EPB41L4B: variants seen among roughly 807,000 people sequenced by gnomAD.
EPB41L4B encodes the protein erythrocyte membrane protein band 4.1 like 4B, also known as band 4.1-like protein 4B.
Under a neutral mutation model 112.5 loss-of-function variants are expected in EPB41L4B, and 30 were observed. The ratio of observed to expected loss-of-function variants is 0.27; its 90% confidence interval spans 0.20 to 0.36. EPB41L4B has a LOEUF of 0.36. Among genes scored for constraint, EPB41L4B ranks in the 10% least tolerant of loss-of-function variants. EPB41L4B has a pLI of 1.00. For missense variants in EPB41L4B, 1,024 were observed against 1,133.3 expected (o/e 0.90, Z 1.38); for synonymous variants, 408 against 439.7 (o/e 0.93, Z 0.90).
chr9:109,314,300 C>G (rs770737991), intron 1 of EPB41L4B, among the ~76,000 whole-genome samples: 32 of 152,334 alleles, frequency 2.1e-4, no homozygotes, highest in Non-Finnish European at 2.8e-4. Flanking sequence ...AGTCCCCACG[C>G]AAGAATTTAA....
intron 17 of EPB41L4B, among the ~76,000 whole-genome samples, chr9:109,209,206 T>A (rs151032963): frequency 7.4e-4 from 113 of 152,156 alleles, no homozygotes; most frequent in African/African-American, 2.7e-3. Context: ...CCAGCTAATA[T>A]CGTTTAATAA....
intron 4 of EPB41L4B, 103 bp from the exon 5 acceptor site, chr9:109,265,127 T>C (rs1381370395): frequency 3.3e-6 from 3 of 918,714 alleles, no homozygotes; most frequent in Non-Finnish European, 4.9e-6. Context: ...GCATGGAGTT[T>C]TGCATTGTAA....
chr9:109,316,728 AT>A (rs1425966501), intron 1 of EPB41L4B, among the ~76,000 whole-genome samples: 1 of 152,188 alleles, frequency 6.6e-6, no homozygotes, highest in African/African-American at 2.4e-5. Context: ...CATGTTATAG[AT>A]TTTTTTAAAA....
chr9:109,309,755 C>CAGAGAGAGAGAGAGAGAG (rs34950010), intron 1 of EPB41L4B, among the ~76,000 whole-genome samples: 26 of 142,228 alleles, frequency 1.8e-4, no homozygotes, highest in African/African-American at 6.1e-4. Context: ...AATACACACA[C>CAGAGAGAGAGAGAGAGAG]AGAGAGAGAG....
rs1833317129 is a variant in EPB41L4B at position 109,215,182 on chromosome 9, C to T, written c.1634-1364G>A. Reference sequence around the variant, plus strand: ...TCCTTGGTCATCATCTCAATACCCTCTACCCTATTTCATGGATGAGAAAAT... The same window carrying T: ...TCCTTGGTCATCATCTCAATACCCTTTACCCTATTTCATGGATGAGAAAAT... On this transcript the variant is annotated intron_variant, in intron 16 of 25. Coordinates refer to ENST00000374566, the MANE Select transcript of EPB41L4B (RefSeq NM_019114.5). 3.3e-5 allele frequency among the ~76,000 whole-genome samples: 5 copies of T among 152,236 alleles called. No individual in the cohort carries two copies. In the South Asian group the frequency reaches 1.0e-3, roughly 32 times the overall value.
At chr9:109,309,627 C>G (rs749504771) in intron 1 of EPB41L4B, among the ~76,000 whole-genome samples, 1 of 152,178 alleles carries the variant, frequency 6.6e-6, no homozygotes, top group Non-Finnish European at 1.5e-5. Flanking sequence ...TGGCCAGATG[C>G]AGCAGCTCAT....
rs777552348 is a variant in EPB41L4B, at chr9:109,253,449, G to A, written c.1271C>T (p.Thr424Met). Reference protein sequence around the residue: ...SKRYPSRRHSTFKASNPVIAA... With the variant: ...SKRYPSRRHSMFKASNPVIAA... ...AATGAAAAACACACAACCTTTGAACGTTGAATGTCTCCGGGATGGATAACG... is the reference window on the plus strand; with the variant it reads ...AATGAAAAACACACAACCTTTGAACATTGAATGTCTCCGGGATGGATAACG... The change falls in exon 12 of 26, where the codon ACG (threonine) becomes ATG (methionine). Residue 424 changes from threonine to methionine, a missense_variant. Transcript: ENST00000374566. The A allele has an allele frequency of 3.7e-6, 6 of 1,609,280 alleles. No individual in the cohort carries two copies. The African/African-American group carries it at 4.0e-5, about 11-fold the overall frequency.
rs550688455 is a variant in EPB41L4B, at chr9:109,218,192, C to A, written c.1410-1047G>T. On this transcript the variant is annotated intron_variant, in intron 15 of 25. Coordinates refer to ENST00000374566, the MANE Select transcript of EPB41L4B (RefSeq NM_019114.5). ...CCAGGTTGGAATACAGTGGCACTATCTCAGCTCACTGCAACCTCCACCTCC... is the reference window on the plus strand; with the variant it reads ...CCAGGTTGGAATACAGTGGCACTATATCAGCTCACTGCAACCTCCACCTCC... Among the ~76,000 whole-genome samples, 3 of 132,206 alleles carry A rather than the reference C, an allele frequency of 2.3e-5. No individual in the cohort carries two copies. In the South Asian group the frequency reaches 7.2e-4, roughly 32 times the overall value. The allele number at this position is 132,206 out of a possible 152,430, so 86.7% of individuals were successfully genotyped here.
At chr9:109,299,195 G>A (rs962632487) in intron 1 of EPB41L4B, among the ~76,000 whole-genome samples, 7 of 152,196 alleles carry the variant, frequency 4.6e-5, no homozygotes, top group African/African-American at 1.4e-4. Flanking sequence ...ATCTTTCAAG[G>A]AATTATACAA....
Position 109,216,998 on chromosome 9 carries a change from G to T in EPB41L4B, c.1557C>A (p.Asn519Lys). ...QHQHQHQHHS[N>K]YSLSLTLENK... Reference sequence around the variant, plus strand: ...TCTCCAGGGTCAGTGAGAGGCTGTAGTTTGAGTGGTGCTGGTGCTGATGCT... The same window carrying T: ...TCTCCAGGGTCAGTGAGAGGCTGTATTTTGAGTGGTGCTGGTGCTGATGCT... The change falls in exon 16 of 26, where the codon AAC becomes AAA. Residue 519 changes from asparagine (N) to lysine (K), a missense_variant. Transcript: ENST00000374566. 6.2e-7 allele frequency: 1 copy of T among 1,614,222 alleles called. No individual in the cohort carries two copies. The highest frequency in any genetic ancestry group is 8.5e-7 in the Non-Finnish European group (1 of 1,180,034).
chr9:109,265,903 C>A (rs536094682), intron 4 of EPB41L4B, among the ~76,000 whole-genome samples: 1 of 152,186 alleles, frequency 6.6e-6, no homozygotes, highest in Non-Finnish European at 1.5e-5. Flanking sequence ...AAAAACCAAT[C>A]GCTTTGATGA....
At chr9:109,183,084 C>G (rs1321205365) in intron 23 of EPB41L4B, among the ~76,000 whole-genome samples, 1 of 152,086 alleles carries the variant, frequency 6.6e-6, no homozygotes, top group African/African-American at 2.4e-5. Flanking sequence ...CTGCCTTCAG[C>G]GGGATCTGCT....
intron 11 of EPB41L4B, 22 bp from the exon 12 acceptor site, chr9:109,253,572 G>GT (rs1564296269): frequency 6.8e-7 from 1 of 1,475,310 alleles, no homozygotes; most frequent in Admixed American, 1.7e-5. Flanking sequence ...ATATTTTCTC[G>GT]TGTGTTATCA....
At chr9:109,271,397 G>C (rs1223049486) in intron 2 of EPB41L4B, among the ~76,000 whole-genome samples, 1 of 152,228 alleles carries the variant, frequency 6.6e-6, no homozygotes, top group Non-Finnish European at 1.5e-5. Flanking sequence ...ATCAGGTTTT[G>C]CTTGCCTGCA....
chr9:109,231,179 A>G (rs1833942440), intron 15 of EPB41L4B, among the ~76,000 whole-genome samples: 1 of 150,338 alleles, frequency 6.7e-6, no homozygotes, highest in Non-Finnish European at 1.5e-5. Context: ...AAAAAAGGTC[A>G]AAACTGCATT....
rs780887089 is a variant in EPB41L4B at position 109,192,235 on chromosome 9, A to C, written c.2301+43T>G. On this transcript the variant is annotated intron_variant, in intron 22 of 25. Transcript: ENST00000374566. ...TCCGTCCCACTGCCAAGATGTTTCT[A>C]TGGTCTGTGACTTTTCTGGTTTTAG... 5 of 1,505,354 alleles carry C rather than the reference A, an allele frequency of 3.3e-6. No individual in the cohort carries two copies. In the South Asian group the frequency reaches 6.0e-5, roughly 18 times the overall value. 93.2% of individuals were successfully genotyped at this position (1,505,354 alleles called of 1,614,324 possible).
Position 109,208,967 on chromosome 9 carries a change from G to A in EPB41L4B, c.1753-918C>T, listed in dbSNP as rs375187190. 7.1e-4 allele frequency among the ~76,000 whole-genome samples: 108 copies of A among 151,912 alleles called. 2 individuals carry two copies. In the South Asian group the frequency reaches 0.02, roughly 28 times the overall value. On this transcript the variant is annotated intron_variant, in intron 17 of 25. Transcript: ENST00000374566. ...ATATACAGTCATTATTAGAAGAGAC[G>A]TGTTTAATAAGGAAGACAGGACCGT... is the stretch of plus-strand genomic sequence containing the variant.
intron 14 of EPB41L4B, 88 bp from the exon 15 acceptor site, chr9:109,243,770 G>T: frequency 7.6e-7 from 1 of 1,308,086 alleles, no homozygotes; most frequent in Non-Finnish European, 1.1e-6. Context: ...GCATCCACCC[G>T]AGGGGCTGGG....
In EPB41L4B at chr9:109,258,205, C is replaced by A; in HGVS notation, c.724G>T (p.Asp242Tyr). The A allele has an allele frequency of 6.2e-7, 1 of 1,613,920 alleles. No individual in the cohort carries two copies. The change falls in exon 7 of 26, where the codon GAT becomes TAT. Residue 242 changes from aspartate (D) to tyrosine (Y), a missense_variant. By Grantham distance (160) the Asp-to-Tyr change is radical (BLOSUM62 -3). Transcript: ENST00000374566. The part of the protein sequence containing the change: ...IPNQTEAMEF[D>Y]IFQRWKECRG... ...CACTCTTTCCATCTCTGGAAGATAT[C>A]AAATTCCATTGCTTCTGTCTGATTT...
Sources: allele counts gnomAD v4.1 joint callset (sites outside exome capture counted in the v4.1 genomes callset), GRCh38; gene constraint gnomAD v4.1.1; transcripts MANE v1.5; gene names NCBI Gene and HGNC (gene_info 2026-07-23, HGNC 2026-07-21).